ZNF721: variants seen among roughly 807,000 people sequenced by gnomAD.
The protein encoded by ZNF721 is zinc finger protein 721.
ZNF721 carries 2 observed loss-of-function variants against 2.4 expected under a neutral mutation model. The observed-to-expected ratio is 0.82, with a 90% CI of 0.34 to 2.58. ZNF721 has a LOEUF of 2.58. Among genes scored for constraint, ZNF721 ranks in the 30% most tolerant of loss-of-function variants. The pLI is 0.11. For missense variants in ZNF721, 1,187 were observed against 1,085.5 expected, an observed-to-expected ratio of 1.09 and a Z score of -1.31; for synonymous variants, 398 against 381.8, an observed-to-expected ratio of 1.04 and a Z score of -0.50.
intron 2 of ZNF721, among the ~76,000 whole-genome samples, chr4:451,020 TTTAAATACATG>T (rs1714644953): frequency 6.8e-6 from 1 of 146,114 alleles, no homozygotes; most frequent in African/African-American, 2.5e-5. Context: ...AAGGCAGGGC[TTTAAATACATG>T]TTTACACAAG....
At chr4:474,239 G>A (rs373903396) in intron 1 of ZNF721, 17 of 369,886 alleles carry the variant, frequency 4.6e-5, no homozygotes, top group Non-Finnish European at 2.1e-5. Context: ...TTGGATATGG[G>A]TCCAGGCTTC....
intron 2 of ZNF721, among the ~76,000 whole-genome samples, chr4:453,182 G>C (rs782082969): frequency 6.6e-6 from 1 of 152,216 alleles, no homozygotes; most frequent in Non-Finnish European, 1.5e-5. Context: ...TCTGATGAAG[G>C]AAAAGGTGGA....
At position 472,634 on chromosome 4, in the gene ZNF721, G is replaced by A; in HGVS notation, c.-26C>T. 6.2e-7 allele frequency: 1 copy of A among 1,613,948 alleles called. No individual in the cohort carries two copies. ...CACATCTCTATACAAATTCTGCTGGGCAGGGTCCAGGCATTTCCACTCTTC... is the reference window on the plus strand; with the variant it reads ...CACATCTCTATACAAATTCTGCTGGACAGGGTCCAGGCATTTCCACTCTTC... On this transcript the variant is annotated 5_prime_UTR_variant, in exon 2 of 3. Coordinates refer to ENST00000511833, the MANE Select transcript of ZNF721 (RefSeq NM_133474.4).
Position 441,328 on chromosome 4 carries a change from G to A in ZNF721, c.*367C>T, listed in dbSNP as rs1413517476. On this transcript the variant is annotated 3_prime_UTR_variant, in exon 3 of 3. Coordinates refer to ENST00000511833, the MANE Select transcript of ZNF721 (RefSeq NM_133474.4). ...TAGTCTCACATATAAATACTATCAT[G>A]TGCAAAAATGCTAAGCATTGGTTAC... is the stretch of plus-strand genomic sequence containing the variant. 4.0e-5 allele frequency: 7 copies of A among 175,928 alleles called. No homozygotes were observed. The East Asian group carries it at 1.1e-3, about 27-fold the overall frequency. 10.9% of individuals were successfully genotyped at this position (175,928 alleles called of 1,614,324 possible).
chr4:492,435 A>T (rs1716047174), intron 1 of ZNF721, among the ~76,000 whole-genome samples: 1 of 152,178 alleles, frequency 6.6e-6, no homozygotes, highest in Non-Finnish European at 1.5e-5. Context: ...GCTGAACTTC[A>T]GGTTAAAAAA....
intron 1 of ZNF721, among the ~76,000 whole-genome samples, chr4:498,726 CTTTTT>C (rs1180549953): frequency 7.5e-6 from 1 of 132,546 alleles, no homozygotes; most frequent in African/African-American, 2.8e-5. Context: ...GTTGAATTTT[CTTTTT>C]TTTTTTTTTT....
intron 1 of ZNF721, among the ~76,000 whole-genome samples, chr4:473,527 T>C (rs1231617450): frequency 6.6e-6 from 1 of 152,108 alleles, no homozygotes; most frequent in Non-Finnish European, 1.5e-5. Context: ...AAAGTCTTTT[T>C]TTTCAAGACC....
chr4:492,257 T>C (rs929618692), intron 1 of ZNF721, among the ~76,000 whole-genome samples: 4 of 151,988 alleles, frequency 2.6e-5, no homozygotes, highest in African/African-American at 7.3e-5. Flanking sequence ...TAGAAATTAT[T>C]TCAATAAAAC....
At chr4:467,546 C>G (rs564303420) in intron 2 of ZNF721, among the ~76,000 whole-genome samples, 2 of 152,346 alleles carry the variant, frequency 1.3e-5, no homozygotes, top group South Asian at 2.1e-4. Flanking sequence ...AGGCCCTCAC[C>G]CAGGTGGCCA....
rs113610991 is a variant in ZNF721, at chr4:443,503, C to A, written c.964G>T (p.Val322Leu). The A allele has an allele frequency of 5.0e-6, 8 of 1,612,480 alleles. No homozygotes were observed. In the African/African-American group the frequency reaches 5.4e-5, roughly 11 times the overall value. ...TCTCCAGTATGAATTCTCCTATGTA[C>A]ATAAAGGTTTGCGGACTGTCTAAAG... ...KAFRQSANLY[V>L]HRRIHTGEKP... is the part of the protein sequence containing the mutation. The change falls in exon 3 of 3, where the codon GTA becomes TTA. Residue 322 changes from valine (V) to leucine (L), a missense_variant. Physicochemically the swap from Val to Leu is conservative, Grantham distance 32. Transcript: ENST00000511833.
intron 1 of ZNF721, among the ~76,000 whole-genome samples, chr4:487,848 CA>C (rs1450198788): frequency 6.6e-6 from 1 of 150,762 alleles, no homozygotes; most frequent in Non-Finnish European, 1.5e-5. Context: ...ACAACTAAAC[CA>C]AAAGGAAAAA....
chr4:469,785 C>T (rs1007625378), intron 2 of ZNF721, among the ~76,000 whole-genome samples: 2 of 152,080 alleles, frequency 1.3e-5, no homozygotes, highest in African/African-American at 4.8e-5. Flanking sequence ...ACAAGGTCAA[C>T]GAATTTTGGC....
At chr4:496,233 G>A (rs560555028) in intron 1 of ZNF721, among the ~76,000 whole-genome samples, 2 of 152,098 alleles carry the variant, frequency 1.3e-5, no homozygotes, top group Non-Finnish European at 2.9e-5. Context: ...ATTTCGCCAA[G>A]TCAGAATGTG....
intron 1 of ZNF721, among the ~76,000 whole-genome samples, chr4:478,578 G>A (rs1715696295): frequency 6.6e-6 from 1 of 152,034 alleles, no homozygotes; most frequent in Non-Finnish European, 1.5e-5. Context: ...TTATAAAATA[G>A]ATTTTCCATT....
At chr4:484,952 CCTA>C (rs1284299284) in intron 1 of ZNF721, among the ~76,000 whole-genome samples, 41 of 152,248 alleles carry the variant, frequency 2.7e-4, no homozygotes, top group Admixed American at 2.6e-3. Context: ...CATCACGGAA[CCTA>C]CTGACATGTG....
intron 2 of ZNF721, among the ~76,000 whole-genome samples, chr4:459,570 C>T (rs1368093604): frequency 1.5e-5 from 2 of 134,116 alleles, no homozygotes; most frequent in Non-Finnish European, 3.3e-5. Flanking sequence ...TGGCTCACAC[C>T]TGTAACTCCC....
At chr4:468,215 T>C (rs1338574582) in intron 2 of ZNF721, among the ~76,000 whole-genome samples, 1 of 149,100 alleles carries the variant, frequency 6.7e-6, no homozygotes, top group Non-Finnish European at 1.5e-5. Context: ...TGCAGTGAGC[T>C]GAGATAGCAC....
intron 2 of ZNF721, among the ~76,000 whole-genome samples, chr4:455,357 C>T (rs1164320593): frequency 6.6e-6 from 1 of 152,126 alleles, no homozygotes; most frequent in African/African-American, 2.4e-5. Context: ...CAGCTGAGGT[C>T]AAGCGATCGA....
rs782388443 is a variant in ZNF721, at chr4:441,735, T to C, written c.2732A>G (p.His911Arg). ...TTTATCTCCAGTATGAATTTTCTTA[T>C]GTGCATAAAGATTTGCAGACTGTCT... ...TFRQSANLYA[H>R]KKIHTGDKTI... Residue 911 changes from histidine to arginine, a missense_variant, in exon 3 of 3, where the codon CAT (histidine) becomes CGT (arginine). Transcript: ENST00000511833. The C allele has an allele frequency of 2.5e-6, 4 of 1,613,202 alleles. No individual in the cohort carries two copies. Among genetic ancestry groups the C allele is most frequent in the Non-Finnish European group, 3.4e-6 (4 of 1,179,456 alleles).
Sources: gnomAD v4.1 joint callset for allele counts (sites outside exome capture counted in the v4.1 genomes callset) on GRCh38, gnomAD v4.1.1 for gene constraint, MANE v1.5 for transcripts, NCBI Gene and HGNC (gene_info 2026-07-23, HGNC 2026-07-21) for gene names.